ZNF543: variants seen among roughly 807,000 people sequenced by gnomAD.
ZNF543 encodes zinc finger protein 543.
In ZNF543, 10 loss-of-function variants were observed where a neutral mutation model predicts 13.4. The ratio of observed to expected loss-of-function variants is 0.75; its 90% CI spans 0.46 to 1.26. The LOEUF (loss-of-function observed/expected upper bound fraction) is 1.26, where lower values mean the gene tolerates loss of function less well. Among genes scored for constraint, ZNF543 ranks in the 50% most tolerant of loss-of-function variants. The pLI, the probability that ZNF543 is intolerant of heterozygous loss-of-function variation, is 0.00. For synonymous variants in ZNF543, 272 were observed against 264.7 expected (o/e 1.03, Z -0.27); for missense variants, 768 against 741.2 (o/e 1.04, Z -0.42).
Position 57,330,529 on chromosome 19 carries a change from A to G in ZNF543, c.*1264A>G, listed in dbSNP as rs929676570. On this transcript the variant is annotated 3_prime_UTR_variant, in exon 4 of 4. Transcript: ENST00000321545. Reference sequence around the variant, plus strand: ...GGAATGTCATTTTTAATCTTTTTAAAGAGTGTGTGAAAATTCACTTTAACT... The same window carrying G: ...GGAATGTCATTTTTAATCTTTTTAAGGAGTGTGTGAAAATTCACTTTAACT... The G allele has an allele frequency of 6.6e-6, 1 of 152,196 alleles. No homozygotes were observed. Among genetic ancestry groups the G allele is most frequent in the Non-Finnish European group, 1.5e-5 (1 of 68,028 alleles). The allele number at this position is 152,196 out of a possible 1,614,324, so 9.4% of individuals were successfully genotyped here. A position where few individuals can be genotyped will look rare whatever the true frequency, so the allele number is the denominator to read the frequency against.
In ZNF543 at chr19:57,328,904, G is replaced by A. The variant is rs747642490; in HGVS notation, c.1442G>A (p.Cys481Tyr). Reference sequence around the variant, plus strand: ...CACACTGGAGAGAAACCCTATGAGTGCGTGGAGTGTGGAAAGGCCTTCAAC... The same window carrying A: ...CACACTGGAGAGAAACCCTATGAGTACGTGGAGTGTGGAAAGGCCTTCAAC... ...SIHTGEKPYECVECGKAFNRS... is the reference protein window; with the variant it reads ...SIHTGEKPYEYVECGKAFNRS... Residue 481 changes from cysteine to tyrosine, a missense_variant, in exon 4 of 4, where the codon TGC becomes TAC. Coordinates refer to ENST00000321545, the MANE Select transcript of ZNF543 (RefSeq NM_213598.4). 1.2e-6 allele frequency: 2 copies of A among 1,613,860 alleles called. No individual in the cohort carries two copies. The highest frequency in any genetic ancestry group is 1.7e-6 in the Non-Finnish European group (2 of 1,179,990).
intron 2 of ZNF543, among the ~76,000 whole-genome samples, chr19:57,324,126 C>T (rs1366393002): frequency 6.6e-6 from 1 of 152,026 alleles, no homozygotes; most frequent in Non-Finnish European, 1.5e-5. Flanking sequence ...CCGACGCGGA[C>T]AAATCAGGAG....
chr19:57,326,204 C>T (rs532754522), intron 2 of ZNF543, among the ~76,000 whole-genome samples: 5 of 152,172 alleles, frequency 3.3e-5, no homozygotes, highest in Admixed American at 2.0e-4. Flanking sequence ...TTTTTTGAGA[C>T]GGAGCTTCGC....
At position 57,320,693 on chromosome 19, in the gene ZNF543, C is replaced by G; in HGVS notation, c.-161C>G. The G allele has an allele frequency of 1.1e-6, 1 of 871,486 alleles. No homozygotes were observed. The highest frequency in any genetic ancestry group is 3.1e-5 in the Admixed American group (1 of 32,366). The allele number at this position is 871,486 out of a possible 1,614,324, so 54.0% of individuals were successfully genotyped here. ...CCTCCGCAGCCGCCCTCCGTCTCCT[C>G]AGCCCCGACGCTGCGCCCGCTTTGT... is the stretch of plus-strand genomic sequence containing the variant. On this transcript the variant is annotated 5_prime_UTR_variant, in exon 1 of 4. Transcript: ENST00000321545.
At chr19:57,324,276 G>A (rs28624890) in intron 2 of ZNF543, among the ~76,000 whole-genome samples, 41,353 of 151,084 alleles carry the variant, frequency 0.27, 6,084 homozygotes, top group African/African-American at 0.34. Flanking sequence ...ACTTGAACCC[G>A]GGAGGCGGAA....
chr19:57,329,108 C>G lies in ZNF543; in HGVS notation c.1646C>G (p.Ser549Cys). ...ECGKAFNRGS[S>C]LTHHQRIHTG... The stretch of plus-strand genomic sequence containing the variant: ...GGAAAGGCTTTTAATCGCGGCTCAT[C>G]CCTCACACATCATCAAAGGATTCAT... The change falls in exon 4 of 4, where the codon TCC becomes TGC. Residue 549 changes from serine (S) to cysteine (C), a missense_variant. Physicochemically the swap from Ser to Cys is moderately radical, Grantham distance 112. Coordinates refer to ENST00000321545, the MANE Select transcript of ZNF543 (RefSeq NM_213598.4). The G allele has an allele frequency of 6.2e-7, 1 of 1,614,198 alleles. No individual in the cohort carries two copies. Among genetic ancestry groups the G allele is most frequent in the African/African-American group, 1.3e-5 (1 of 75,038 alleles).
In ZNF543 at chr19:57,330,569, C is replaced by T. The variant is rs930512308; in HGVS notation, c.*1304C>T. 6.6e-6 allele frequency: 1 copy of T among 152,088 alleles called. No individual in the cohort carries two copies. The highest frequency in any genetic ancestry group is 2.4e-5 in the African/African-American group (1 of 41,418). 9.4% of individuals were successfully genotyped at this position (152,088 alleles called of 1,614,324 possible). ...TCACTTTAACTGGAATTTTAACAGG[C>T]AAGCCGGCATGCATATATGTAGGGA... On this transcript the variant is annotated 3_prime_UTR_variant, in exon 4 of 4. Transcript: ENST00000321545.
At position 57,328,257 on chromosome 19, in the gene ZNF543, C is replaced by T. The variant is rs769188164; in HGVS notation, c.795C>T (p.Asn265=). The part of the protein sequence containing the change: ...YKCMECGKAF[N]RRSHLTRHQR... ...GCATGGAGTGTGGGAAGGCTTTTAA[C>T]CGCAGGTCACACCTCACACGGCACC... Residue 265 remains asparagine, a synonymous_variant, in exon 4 of 4, where the codon AAC becomes AAT. Transcript: ENST00000321545. 6 of 1,613,864 alleles carry T rather than the reference C, an allele frequency of 3.7e-6. 1 individual carries two copies. The South Asian group carries it at 6.6e-5, about 18-fold the overall frequency.
At position 57,328,698 on chromosome 19, in the gene ZNF543, G is replaced by T. The variant is rs766604572; in HGVS notation, c.1236G>T (p.Gln412His). 1 of 1,613,310 alleles carries T rather than the reference G, an allele frequency of 6.2e-7. No homozygotes were observed. Among genetic ancestry groups the T allele is most frequent in the Non-Finnish European group, 8.5e-7 (1 of 1,179,616 alleles). Residue 412 changes from glutamine to histidine, a missense_variant, in exon 4 of 4, where the codon CAG (glutamine) becomes CAT (histidine). Around this residue, in one of 3 missense-constraint regions of ZNF543, gnomAD observed 677 missense variants for 631.4 expected, o/e 1.07. Transcript: ENST00000321545. ...TCAACCGTAGGTCACACCTCAAGCA[G>T]CATCAACGGATTCACACTGGGGAGA... ...KAFNRRSHLK[Q>H]HQRIHTGEKP...
chr19:57,329,189 A>G lies in ZNF543; in HGVS notation c.1727A>G (p.Gln576Arg), dbSNP rs765972686. The G allele has an allele frequency of 1.2e-6, 2 of 1,614,178 alleles. No individual in the cohort carries two copies. The highest frequency in any genetic ancestry group is 1.3e-5 in the African/African-American group (1 of 75,076). Reference sequence around the variant, plus strand: ...GTGGGAAGACCTTTTATGACTGCACAGACTTCAGTCAACATCCAGGAACTT... The same window carrying G: ...GTGGGAAGACCTTTTATGACTGCACGGACTTCAGTCAACATCCAGGAACTT... ...TDVGRPFMTAQTSVNIQELLL... is the reference protein window; with the variant it reads ...TDVGRPFMTARTSVNIQELLL... The change falls in exon 4 of 4, where the codon CAG becomes CGG. Residue 576 changes from glutamine to arginine, a missense_variant. By Grantham distance (43) the Gln-to-Arg change is conservative. Coordinates refer to ENST00000321545, the MANE Select transcript of ZNF543 (RefSeq NM_213598.4).
intron 1 of ZNF543, 84 bp downstream of exon 1, chr19:57,320,955 G>A (rs2122932762): frequency 1.9e-6 from 3 of 1,580,074 alleles, no homozygotes; most frequent in Non-Finnish European, 2.6e-6. Flanking sequence ...ACAGCCACAG[G>A]ATGTTTCTTT....
Position 57,328,765 on chromosome 19 carries a change from T to A in ZNF543, c.1303T>A (p.Cys435Ser). The change falls in exon 4 of 4, where the codon TGC (cysteine) becomes AGC (serine). Residue 435 changes from cysteine (C) to serine (S), a missense_variant. Transcript: ENST00000321545. ...TGAATGTGGAAAGGCCTTCACCCAC[T>A]GCTCCACTTTTGTCTTGCATAAAAG... ...CSECGKAFTH[C>S]STFVLHKRTH... The A allele has an allele frequency of 5.0e-6, 8 of 1,613,192 alleles. No individual in the cohort carries two copies. Among genetic ancestry groups the A allele is most frequent in the African/African-American group, 2.7e-5 (2 of 74,666 alleles).
intron 1 of ZNF543, 76 bp from the exon 2 acceptor site, chr19:57,323,606 C>G: frequency 6.4e-7 from 1 of 1,558,436 alleles, no homozygotes; most frequent in Non-Finnish European, 8.8e-7. Flanking sequence ...GCATCTTTTG[C>G]AGTGCTGAAG....
In ZNF543 at chr19:57,329,511, GAT is replaced by G. The variant is rs1491215614; in HGVS notation, c.*249_*250del. Reference sequence around the variant, plus strand: ...GTTTACAGTGAAATATTATCTCAGGGATATTTTTTTTTTTTTTTTGAGACGGA... The same window carrying G: ...GTTTACAGTGAAATATTATCTCAGGGATTTTTTTTTTTTTTTTGAGACGGA... On this transcript the variant is annotated 3_prime_UTR_variant, in exon 4 of 4. Transcript: ENST00000321545. The G allele has an allele frequency of 2.2e-4, 93 of 425,496 alleles. No individual in the cohort carries two copies. Among genetic ancestry groups the G allele is most frequent in the East Asian group, 8.2e-4 (21 of 25,690 alleles). The allele number at this position is 425,496 out of a possible 1,614,324, so 26.4% of individuals were successfully genotyped here.
In ZNF543 at chr19:57,324,071, G is replaced by A. The variant is rs188868705; in HGVS notation, c.145+263G>A. Among the ~76,000 whole-genome samples the A allele has an allele frequency of 1.1e-4, 17 of 152,252 alleles. No individual in the cohort carries two copies. In the East Asian group the frequency reaches 2.3e-3, roughly 21 times the overall value. ...TTTTCTCATGAATAAAAAGGGCCAGGCCAGGCACAGTGGCTCATGTCTGTA... is the reference window on the plus strand; with the variant it reads ...TTTTCTCATGAATAAAAAGGGCCAGACCAGGCACAGTGGCTCATGTCTGTA... On this transcript the variant is annotated intron_variant, in intron 2 of 3. Transcript: ENST00000321545.
At chr19:57,322,674 G>C (rs1444915593) in intron 1 of ZNF543, among the ~76,000 whole-genome samples, 1 of 152,152 alleles carries the variant, frequency 6.6e-6, no homozygotes, top group Non-Finnish European at 1.5e-5. Flanking sequence ...ACTTTGGGTA[G>C]ACTAGTGGAG....
At chr19:57,326,540 A>G in intron 2 of ZNF543, 93 bp from the exon 3 acceptor site, 3 of 919,246 alleles carry the variant, frequency 3.3e-6, no homozygotes, top group South Asian at 1.5e-5. Flanking sequence ...GCTTCACTTC[A>G]TGGTCTTCCC....
At chr19:57,327,416 C>G (rs57973040) in intron 3 of ZNF543, among the ~76,000 whole-genome samples, 2 of 148,402 alleles carry the variant, frequency 1.3e-5, no homozygotes, top group Non-Finnish European at 3.0e-5. Flanking sequence ...GCAGTCTTGG[C>G]TCACTACAAC....
Position 57,329,374 on chromosome 19 carries a change from T to A in ZNF543, c.*109T>A. 6.9e-7 allele frequency: 1 copy of A among 1,451,286 alleles called. No homozygotes were observed. 89.9% of individuals were successfully genotyped at this position (1,451,286 alleles called of 1,614,324 possible). A position where few individuals can be genotyped will look rare whatever the true frequency, so the allele number is the denominator to read the frequency against. On this transcript the variant is annotated 3_prime_UTR_variant, in exon 4 of 4. Coordinates refer to ENST00000321545, the MANE Select transcript of ZNF543 (RefSeq NM_213598.4). Reference sequence around the variant, plus strand: ...ATCATTTGTCGTCTAAACAATCAAGTTAGAAATTGAACCAGCCTGGAGTCT... The same window carrying A: ...ATCATTTGTCGTCTAAACAATCAAGATAGAAATTGAACCAGCCTGGAGTCT...
Sources: allele counts gnomAD v4.1 joint callset (sites outside exome capture counted in the v4.1 genomes callset), GRCh38; gene constraint gnomAD v4.1.1; regional missense constraint gnomAD v4.1.1; transcripts MANE v1.5; gene names NCBI Gene and HGNC (gene_info 2026-07-23, HGNC 2026-07-21).